The following KMT2E variants were observed in gnomAD, a reference collection of about 807,000 sequenced individuals.
The protein encoded by KMT2E is histone reader KMT2E.
Under a neutral mutation model 184.6 loss-of-function variants are expected in KMT2E, and 30 were observed. The ratio of observed to expected loss-of-function variants is 0.16; its 90% CI spans 0.12 to 0.22. KMT2E has a LOEUF of 0.22. Among genes scored for constraint, KMT2E ranks in the 10% least tolerant of loss-of-function variants. The pLI, the probability that KMT2E is intolerant of heterozygous loss-of-function variation, is 1.00. For missense variants in KMT2E, 2,023 were observed against 2,237.4 expected (o/e 0.90, Z 1.93); for synonymous variants, 815 against 776.5 (o/e 1.05, Z -0.82).
rs1420390759 is a variant in KMT2E, at chr7:105,112,186, C to T, written c.4430C>T (p.Pro1477Leu). The T allele has an allele frequency of 1.2e-6, 2 of 1,614,070 alleles. No individual in the cohort carries two copies. Among genetic ancestry groups the T allele is most frequent in the South Asian group, 2.2e-5 (2 of 91,068 alleles). ...PKPPSQQLGS[P>L]YRPHHSQSPQ... is the part of the protein sequence containing the mutation. ...CCTCCTTCACAGCAGTTAGGATCTC[C>T]CTACAGGCCTCATCATTCACAGTCA... The change falls in exon 27 of 27, where the codon CCC (proline) becomes CTC (leucine). Residue 1477 changes from proline (P) to leucine (L), a missense_variant. Transcript: ENST00000311117.
intron 5 of KMT2E, 96 bp downstream of exon 5, chr7:105,063,676 A>G (rs1001567967): frequency 1.3e-6 from 1 of 777,826 alleles, no homozygotes. Context: ...AAGGGAATTA[A>G]TGGATACATA....
intron 1 of KMT2E, among the ~76,000 whole-genome samples, chr7:105,032,409 A>G (rs576027785): frequency 3.9e-5 from 6 of 152,222 alleles, no homozygotes; most frequent in South Asian, 4.1e-4. Context: ...GCACCACTGT[A>G]CTCCAGCCTG....
At chr7:105,096,457 A>G (rs985989799) in intron 15 of KMT2E, among the ~76,000 whole-genome samples, 6 of 152,246 alleles carry the variant, frequency 3.9e-5, no homozygotes, top group African/African-American at 1.4e-4. Context: ...TGTGGTCTTC[A>G]TATTTAAAAG....
At position 105,062,107 on chromosome 7, in the gene KMT2E, T is replaced by C. The variant is rs940530943; in HGVS notation, c.72-57T>C. 11 of 1,087,464 alleles carry C rather than the reference T, an allele frequency of 1.0e-5. 1 individual carries two copies. The allele number at this position is 1,087,464 out of a possible 1,614,324, so 67.4% of individuals were successfully genotyped here. On this transcript the variant is annotated intron_variant, in intron 3 of 26. Transcript: ENST00000311117. ...AAGTACTTTATCATTTTAATTAAAT[T>C]GATTAAGAGGAAAAAAAAAGAATGG...
chr7:105,082,951 C>G (rs1297285215), intron 13 of KMT2E, among the ~76,000 whole-genome samples: 1 of 152,210 alleles, frequency 6.6e-6, no homozygotes, highest in African/African-American at 2.4e-5. Flanking sequence ...AAGCAATCAT[C>G]TCCATTAGGC....
chr7:105,046,902 C>T (rs547246483), intron 3 of KMT2E, among the ~76,000 whole-genome samples: 27 of 152,224 alleles, frequency 1.8e-4, no homozygotes, highest in Admixed American at 5.9e-4. Context: ...ATCCCAAGAC[C>T]GTCCACAGGC....
chr7:105,113,250 C>T lies in KMT2E; in HGVS notation c.5494C>T (p.Pro1832Ser). 6.2e-7 allele frequency: 1 copy of T among 1,614,204 alleles called. No individual in the cohort carries two copies. Residue 1832 changes from proline (P) to serine (S), a missense_variant, in exon 27 of 27, where the codon CCA becomes TCA. Pro to Ser is a moderately conservative substitution (Grantham distance 74). Around this residue, in one of 8 missense-constraint regions of KMT2E, gnomAD observed 1,108 missense variants for 1,050.9 expected, o/e 1.05. Coordinates refer to ENST00000311117, the MANE Select transcript of KMT2E (RefSeq NM_182931.3). ...HGVQGPQQAS[P>S]VPGQIPIHRA... ...GGTTCAAGGACCTCAGCAGGCATCT[C>T]CAGTGCCTGGACAGATTCCAATTCA...
chr7:105,025,956 A>G (rs1199944440), intron 1 of KMT2E, among the ~76,000 whole-genome samples: 1 of 152,180 alleles, frequency 6.6e-6, no homozygotes, highest in Non-Finnish European at 1.5e-5. Context: ...TGAACCAAAA[A>G]CTGTGGACAA....
At chr7:105,105,767 G>A in intron 18 of KMT2E, 74 bp downstream of exon 18, 1 of 1,560,674 alleles carries the variant, frequency 6.4e-7, no homozygotes, top group Non-Finnish European at 8.6e-7. Flanking sequence ...ATCCATGGTA[G>A]TGAAATGCTT....
Position 105,114,239 on chromosome 7 carries a change from C to CTGTT in KMT2E, c.*909_*912dup, listed in dbSNP as rs891378753. 50 of 152,256 alleles carry CTGTT rather than the reference C, an allele frequency of 3.3e-4. No homozygotes were observed. The highest frequency in any genetic ancestry group is 5.1e-4 in the African/African-American group (21 of 41,544). The allele number at this position is 152,256 out of a possible 1,614,324, so 9.4% of individuals were successfully genotyped here. A position where few individuals can be genotyped will look rare whatever the true frequency, so the allele number is the denominator to read the frequency against. ...CAAGGGGCTGTTCCTGTGGTGGTTT[C>CTGTT]TGTTTGCATTTTTGCAGGAGCCATA... On this transcript the variant is annotated 3_prime_UTR_variant, in exon 27 of 27. Transcript: ENST00000311117.
chr7:105,062,053 C>G (rs1361816968), intron 3 of KMT2E, 111 bp from the exon 4 acceptor site: 3 of 711,634 alleles, frequency 4.2e-6, no homozygotes, highest in African/African-American at 1.8e-5. Context: ...TAAGTAGATA[C>G]TGTATTTGTA....
At position 105,110,804 on chromosome 7, in the gene KMT2E, C is replaced by T. The variant is rs201142350; in HGVS notation, c.4004C>T (p.Thr1335Met). 6.0e-5 allele frequency: 97 copies of T among 1,614,000 alleles called. No individual in the cohort carries two copies. Among genetic ancestry groups the T allele is most frequent in the Middle Eastern group, 1.6e-4 (1 of 6,062 alleles). ...PDPENPEPTT[T>M]NECPSPDTSQ... Reference sequence around the variant, plus strand: ...CCTGAAAATCCAGAACCCACAACTACGAATGAATGTCCATCCCCAGATACT... The same window carrying T: ...CCTGAAAATCCAGAACCCACAACTATGAATGAATGTCCATCCCCAGATACT... Residue 1335 changes from threonine (T) to methionine (M), a missense_variant, in exon 26 of 27, where the codon ACG (threonine) becomes ATG (methionine). By Grantham distance (81) the Thr-to-Met change is moderately conservative (BLOSUM62 -1). Around this residue, in one of 8 missense-constraint regions of KMT2E, gnomAD observed 1,108 missense variants for 1,050.9 expected, o/e 1.05. Coordinates refer to ENST00000311117, the MANE Select transcript of KMT2E (RefSeq NM_182931.3).
chr7:105,020,864 T>A (rs903242585), intron 1 of KMT2E, among the ~76,000 whole-genome samples: 4 of 152,362 alleles, frequency 2.6e-5, no homozygotes, highest in African/African-American at 9.6e-5. Flanking sequence ...AAGAAAAGAA[T>A]TAACCATTAC....
intron 13 of KMT2E, among the ~76,000 whole-genome samples, chr7:105,085,042 CTT>C (rs548127073): frequency 7.0e-6 from 1 of 142,250 alleles, no homozygotes; most frequent in Non-Finnish European, 1.5e-5. Context: ...ATAACTTTTT[CTT>C]TTTTTTTTAA....
At chr7:105,032,458 G>T (rs78768975) in intron 1 of KMT2E, among the ~76,000 whole-genome samples, 7,069 of 152,130 alleles carry the variant, frequency 0.046, 236 homozygotes, top group Non-Finnish European at 0.078. Flanking sequence ...AAAAAAAAGC[G>T]TTTGCAGGAT....
chr7:105,026,686 A>G (rs1795190496), intron 1 of KMT2E, among the ~76,000 whole-genome samples: 1 of 152,222 alleles, frequency 6.6e-6, no homozygotes, highest in Admixed American at 6.5e-5. Flanking sequence ...TTTGAATTGT[A>G]TGTTTAAACT....
chr7:105,111,904 C>T lies in KMT2E; in HGVS notation c.4148C>T (p.Thr1383Ile), dbSNP rs766042297. The change falls in exon 27 of 27, where the codon ACA (threonine) becomes ATA (isoleucine). Residue 1383 changes from threonine (T) to isoleucine (I), a missense_variant. Physicochemically the swap from Thr to Ile is moderately conservative, Grantham distance 89 (BLOSUM62 -1). Transcript: ENST00000311117. ...AAACCAGATCCCCAATGGGACTCCA[C>T]AGTTAGTGCATCCGAAGCTGAAAAT... ...FTKPDPQWDS[T>I]VSASEAENGV... 1.2e-6 allele frequency: 2 copies of T among 1,614,066 alleles called. No individual in the cohort carries two copies. The highest frequency in any genetic ancestry group is 2.7e-5 in the African/African-American group (2 of 74,918).
At chr7:105,071,358 G>T (rs1016419638) in intron 6 of KMT2E, among the ~76,000 whole-genome samples, 3 of 150,790 alleles carry the variant, frequency 2.0e-5, no homozygotes, top group South Asian at 2.1e-4. Context: ...CTGTTTTTTT[G>T]TTGTTGTTTT....
chr7:105,089,199 CTTTT>C (rs1385480656), intron 13 of KMT2E: 1 of 398,928 alleles, frequency 2.5e-6, no homozygotes, highest in Non-Finnish European at 4.9e-6. Flanking sequence ...AAATCCTAAA[CTTTT>C]TTTGTTTTTT....
Sources: gnomAD v4.1 joint callset for allele counts (sites outside exome capture counted in the v4.1 genomes callset) on GRCh38, gnomAD v4.1.1 for gene constraint, gnomAD v4.1.1 regional missense constraint, MANE v1.5 for transcripts, NCBI Gene and HGNC (gene_info 2026-07-23, HGNC 2026-07-21) for gene names.